Variants in MAML3 observed in about 807,000 individuals in gnomAD.
MAML3 encodes the protein mastermind like transcriptional coactivator 3.
A neutral mutation model predicts 101.9 loss-of-function variants in MAML3; 27 were observed. That is an observed-to-expected ratio of 0.27 (90% CI 0.20 to 0.37). MAML3 has a LOEUF of 0.37. Among genes scored for constraint, MAML3 ranks in the 10% least tolerant of loss-of-function variants. MAML3 has a pLI of 1.00. For synonymous variants in MAML3, 501 were observed against 555.9 expected, an observed-to-expected ratio of 0.90 and a Z score of 1.39; for missense variants, 1,316 against 1,444.9, an observed-to-expected ratio of 0.91 and a Z score of 1.45.
At chr4:139,782,101 T>C (rs1254946096) in intron 2 of MAML3, among the ~76,000 whole-genome samples, 1 of 152,226 alleles carries the variant, frequency 6.6e-6, no homozygotes, top group Non-Finnish European at 1.5e-5. Context: ...CCGTAAATCA[T>C]GACGAGTCAA....
At chr4:139,862,805 G>C (rs1487167007) in intron 2 of MAML3, among the ~76,000 whole-genome samples, 1 of 152,230 alleles carries the variant, frequency 6.6e-6, no homozygotes, top group Non-Finnish European at 1.5e-5. Flanking sequence ...GTAGGTAGCA[G>C]TGTTGAGTGG....
chr4:139,783,623 T>C (rs1730256283), intron 2 of MAML3, among the ~76,000 whole-genome samples: 1 of 152,214 alleles, frequency 6.6e-6, no homozygotes, highest in Non-Finnish European at 1.5e-5. Context: ...CCCGCTTCTT[T>C]AACTGTTCCT....
At chr4:140,120,183 G>A (rs894289321) in intron 1 of MAML3, among the ~76,000 whole-genome samples, 8 of 147,012 alleles carry the variant, frequency 5.4e-5, no homozygotes, top group Non-Finnish European at 1.2e-4. Context: ...CTTGCAGTGA[G>A]CCAAGATCGC....
intron 1 of MAML3, among the ~76,000 whole-genome samples, chr4:139,976,380 G>C (rs10857343): frequency 0.28 from 42,927 of 152,142 alleles, 7,601 homozygotes; most frequent in Non-Finnish European, 0.38. Flanking sequence ...AAGCAAGAGG[G>C]GATGTGATGA....
chr4:140,057,235 T>A (rs1214707234), intron 1 of MAML3, among the ~76,000 whole-genome samples: 2 of 152,292 alleles, frequency 1.3e-5, no homozygotes, highest in African/African-American at 4.8e-5. Flanking sequence ...ATGATAGCAT[T>A]CCAGCTTGGG....
intron 2 of MAML3, among the ~76,000 whole-genome samples, chr4:139,813,321 A>G (rs952045748): frequency 6.6e-6 from 1 of 152,220 alleles, no homozygotes; most frequent in Non-Finnish European, 1.5e-5. Context: ...ATGAACTTTC[A>G]GGTTGAAAGG....
chr4:139,976,477 T>C (rs1315932750), intron 1 of MAML3, among the ~76,000 whole-genome samples: 1 of 152,218 alleles, frequency 6.6e-6, no homozygotes, highest in East Asian at 1.9e-4. Context: ...ATCTTATTCA[T>C]ACATTTCTTT....
chr4:140,064,718 T>G (rs991126692), intron 1 of MAML3, among the ~76,000 whole-genome samples: 22 of 152,262 alleles, frequency 1.4e-4, no homozygotes, highest in Non-Finnish European at 3.1e-4. Context: ...GCTCAGTCTG[T>G]CCCTCAAGAA....
intron 2 of MAML3, among the ~76,000 whole-genome samples, chr4:139,766,544 C>A (rs1729863478): frequency 6.6e-6 from 1 of 152,082 alleles, no homozygotes; most frequent in South Asian, 2.1e-4. Flanking sequence ...TTTCTGGTTC[C>A]TTCAATAAAC....
At chr4:139,729,998 C>A (rs1728636203) in intron 3 of MAML3, among the ~76,000 whole-genome samples, 1 of 152,236 alleles carries the variant, frequency 6.6e-6, no homozygotes, top group South Asian at 2.1e-4. Flanking sequence ...AATTCCTCTT[C>A]CTGTCAATTT....
intron 1 of MAML3, among the ~76,000 whole-genome samples, chr4:140,088,584 C>T (rs1252567585): frequency 6.6e-6 from 1 of 152,114 alleles, no homozygotes; most frequent in South Asian, 2.1e-4. Flanking sequence ...AGAGGAACTT[C>T]CTATAGTACA....
intron 1 of MAML3, among the ~76,000 whole-genome samples, chr4:139,959,211 G>A (rs1215708292): frequency 1.3e-5 from 2 of 152,184 alleles, no homozygotes; most frequent in Non-Finnish European, 2.9e-5. Context: ...TGAGTAGCTT[G>A]TAAGTGGGGT....
chr4:139,728,734 C>T (rs1728578933), intron 3 of MAML3, among the ~76,000 whole-genome samples: 1 of 152,186 alleles, frequency 6.6e-6, no homozygotes, highest in African/African-American at 2.4e-5. Context: ...CCCCTGACCT[C>T]TCACCTCCTT....
chr4:139,796,472 A>C (rs1220067117), intron 2 of MAML3, among the ~76,000 whole-genome samples: 6 of 152,230 alleles, frequency 3.9e-5, no homozygotes, highest in Non-Finnish European at 7.3e-5. Context: ...ATTTCAAGAT[A>C]CACTACCCTC....
intron 2 of MAML3, among the ~76,000 whole-genome samples, chr4:139,835,319 T>C (rs77847912): frequency 0.017 from 2,586 of 152,344 alleles, 34 homozygotes; most frequent in Middle Eastern, 0.065. Flanking sequence ...GCGCCTGATA[T>C]TATGCTACAA....
chr4:139,913,952 G>C (rs1732980194), intron 1 of MAML3, among the ~76,000 whole-genome samples: 1 of 152,112 alleles, frequency 6.6e-6, no homozygotes. Context: ...GAGGAAAAGA[G>C]TTGTGAACTG....
chr4:139,894,844 A>G (rs1345325076), intron 1 of MAML3, among the ~76,000 whole-genome samples: 1 of 152,266 alleles, frequency 6.6e-6, no homozygotes, highest in Non-Finnish European at 1.5e-5. Context: ...ATACTTGAAC[A>G]TAGCTCCAAA....
chr4:139,772,196 C>T (rs1408270283), intron 2 of MAML3, among the ~76,000 whole-genome samples: 6 of 126,692 alleles, frequency 4.7e-5, no homozygotes, highest in African/African-American at 9.0e-5. Flanking sequence ...GCCGAGATCG[C>T]GCCACTGCAC....
At chr4:139,805,935 G>A (rs2111107463) in intron 2 of MAML3, among the ~76,000 whole-genome samples, 1 of 152,142 alleles carries the variant, frequency 6.6e-6, no homozygotes, top group African/African-American at 2.4e-5. Flanking sequence ...TTAAAAATAT[G>A]GGGAAAGGAA....
Sources: allele counts gnomAD v4.1 joint callset (sites outside exome capture counted in the v4.1 genomes callset), GRCh38; gene constraint gnomAD v4.1.1; transcripts MANE v1.5; gene names NCBI Gene and HGNC (gene_info 2026-07-23, HGNC 2026-07-21).